The following DRC5 variants were observed in gnomAD, a reference collection of about 807,000 sequenced individuals.
DRC5 encodes the protein dynein regulatory complex subunit 5, also known as T-complex-associated testis-expressed protein 1.
chr6:44,282,183 G>A, the DRC5 span: 1 of 1,614,224 alleles, frequency 6.2e-7, no homozygotes, highest in South Asian at 1.1e-5. Context: ...TGACAGGAGT[G>A]TGGCGGTGGG....
the DRC5 span, chr6:44,279,748 GGT>G: frequency 0.19 from 25,851 of 134,904 alleles, 2,230 homozygotes; most frequent in Middle Eastern, 0.28. Flanking sequence ...GTAGCCAGAG[GGT>G]GTGTGTGTGT....
chr6:44,281,392 A>G, the DRC5 span, among the ~76,000 whole-genome samples: 20 of 150,570 alleles, frequency 1.3e-4, no homozygotes, highest in East Asian at 3.9e-3. Flanking sequence ...TGTAAATTGC[A>G]TTTTTTTTTT....
chr6:44,291,177 T>G, the DRC5 span, among the ~76,000 whole-genome samples: 1 of 152,198 alleles, frequency 6.6e-6, no homozygotes, highest in Non-Finnish European at 1.5e-5. Flanking sequence ...ATCCATACCA[T>G]AAGGCCTGAT....
chr6:44,287,892 T>A, the DRC5 span: 1 of 1,544,854 alleles, frequency 6.5e-7, no homozygotes, highest in Non-Finnish European at 8.7e-7. Flanking sequence ...CTTCTCAGAC[T>A]GGCAGGTCCT....
At chr6:44,286,054 G>C in the DRC5 span, 15 of 1,614,166 alleles carry the variant, frequency 9.3e-6, no homozygotes, top group African/African-American at 1.2e-4. Context: ...AATTCATGCC[G>C]CAGTCCTTGA....
chr6:44,284,680 C>T, the DRC5 span, among the ~76,000 whole-genome samples: 1 of 152,168 alleles, frequency 6.6e-6, no homozygotes, highest in African/African-American at 2.4e-5. Context: ...CTTCTCCTTC[C>T]TTCTCCTTCA....
At chr6:44,284,478 T>G in the DRC5 span, among the ~76,000 whole-genome samples, 1 of 152,082 alleles carries the variant, frequency 6.6e-6, no homozygotes, top group Non-Finnish European at 1.5e-5. Flanking sequence ...CATTCCCACA[T>G]TCAATTCAGA....
the DRC5 span, among the ~76,000 whole-genome samples, chr6:44,296,940 C>CCT: frequency 2.3e-5 from 2 of 87,546 alleles, no homozygotes; most frequent in Non-Finnish European, 2.8e-5. Context: ...AGCCTCGGCC[C>CCT]GTGTGCTTGG....
chr6:44,287,527 C>T, the DRC5 span: 1 of 1,587,434 alleles, frequency 6.3e-7, no homozygotes, highest in South Asian at 1.1e-5. Context: ...CTCCTGCCCA[C>T]CTAAAGCAGG....
At chr6:44,290,119 C>CCA in the DRC5 span, among the ~76,000 whole-genome samples, 3 of 152,148 alleles carry the variant, frequency 2.0e-5, no homozygotes, top group East Asian at 5.8e-4. Flanking sequence ...CAGATTGTGT[C>CCA]CAGAATTGTG....
the DRC5 span, chr6:44,280,140 A>G: frequency 6.4e-7 from 1 of 1,569,688 alleles, no homozygotes; most frequent in African/African-American, 1.3e-5. Context: ...GGGGTATGAA[A>G]TGAGGGATGG....
the DRC5 span, chr6:44,297,517 GCAACC>G: frequency 6.6e-6 from 1 of 152,342 alleles, no homozygotes. Context: ...CACGGAAAAC[GCAACC>G]CAGGCAATGG....
the DRC5 span, chr6:44,280,511 A>C: frequency 2.8e-6 from 2 of 708,596 alleles, no homozygotes; most frequent in Non-Finnish European, 4.7e-6. Flanking sequence ...TACTTAACCT[A>C]TTTGTGACGC....
the DRC5 span, among the ~76,000 whole-genome samples, chr6:44,288,216 T>A: frequency 1.3e-5 from 2 of 152,216 alleles, no homozygotes; most frequent in African/African-American, 2.4e-5. Flanking sequence ...AAATTTTAGA[T>A]AATAGCTCTA....
At chr6:44,288,993 CAAAAAAAAAAA>C in the DRC5 span, among the ~76,000 whole-genome samples, 12 of 32,830 alleles carry the variant, frequency 3.7e-4, no homozygotes, top group East Asian at 9.0e-3. Flanking sequence ...GACTCTGTCT[CAAAAAAAAAAA>C]AAAAAAAAAA....
chr6:44,292,829 C>G, the DRC5 span, among the ~76,000 whole-genome samples: 9 of 152,096 alleles, frequency 5.9e-5, no homozygotes, highest in Non-Finnish European at 1.2e-4. Context: ...TGGGGGAGAC[C>G]AGCAGAAACG....
At chr6:44,297,120 C>T in the DRC5 span, among the ~76,000 whole-genome samples, 1 of 152,212 alleles carries the variant, frequency 6.6e-6, no homozygotes, top group Non-Finnish European at 1.5e-5. Flanking sequence ...AAGCTCAGCT[C>T]CAAAGGCCAG....
chr6:44,280,187 C>T, the DRC5 span: 2 of 1,613,900 alleles, frequency 1.2e-6, no homozygotes, highest in Non-Finnish European at 1.7e-6. Context: ...CATTTTATCC[C>T]ACAGAGTTCT....
At chr6:44,282,513 A>T in the DRC5 span, 1 of 1,604,096 alleles carries the variant, frequency 6.2e-7, no homozygotes, top group African/African-American at 1.3e-5. Flanking sequence ...TCGAATTATG[A>T]TGCGTGCCTT....
Sources: allele counts gnomAD v4.1 joint callset (sites outside exome capture counted in the v4.1 genomes callset), GRCh38; gene constraint gnomAD v4.1.1; transcripts MANE v1.5; gene names NCBI Gene and HGNC (gene_info 2026-07-23, HGNC 2026-07-21).